The following FALEC variants were observed in gnomAD, a reference collection of about 807,000 sequenced individuals.
The protein encoded by FALEC is focally amplified lncRNA regulator of ECM1, also known as focally amplified lncRNA on chromosome 1.
At chr1:150,519,258 C>T (rs1048275229), downstream of FALEC, among the ~76,000 whole-genome samples, 1 of 152,138 alleles carries the variant, frequency 6.6e-6, no homozygotes, top group Non-Finnish European at 1.5e-5. Context: ...AGAGTTATCA[C>T]TCAATCGCTT....
At chr1:150,522,325 G>C (rs1278605173), downstream of FALEC, among the ~76,000 whole-genome samples, 1 of 151,352 alleles carries the variant, frequency 6.6e-6, no homozygotes, top group African/African-American at 2.4e-5. Context: ...TTCCAGCTTA[G>C]AAGTTGGTAG....
At position 150,517,289 on chromosome 1, in the gene FALEC, T is replaced by C. The variant is rs1209328387; in HGVS notation, n.307-484T>C. Among the ~76,000 whole-genome samples the C allele has an allele frequency of 7.3e-4, 69 of 94,292 alleles. No individual in the cohort carries two copies. The East Asian group carries it at 0.011, about 15-fold the overall frequency. 61.9% of individuals were successfully genotyped at this position (94,292 alleles called of 152,430 possible). On this transcript the variant is annotated intron_variant and non_coding_transcript_variant, in intron 1 of 1. Transcript: ENST00000416894. ...TCCAGCCTGGGTGACAGAGCCAGAC[T>C]CCGTCTCAAAAAAAAAAAAAAAAAA...
exon 1 of FALEC, chr1:150,515,800 A>C (rs587604425): frequency 6.6e-6 from 1 of 152,396 alleles, no homozygotes; most frequent in Admixed American, 6.5e-5. Flanking sequence ...CGGGGGAGGC[A>C]GGGGGAAAAG....
downstream of FALEC, among the ~76,000 whole-genome samples, chr1:150,522,258 AAAG>A (rs996441119): frequency 1.5e-4 from 23 of 150,430 alleles, no homozygotes; most frequent in African/African-American, 5.6e-4. Flanking sequence ...AAAAAAAAAA[AAAG>A]AAAGAAAGAA....
chr1:150,516,013 G>A (rs1305286282), exon 1 of FALEC: 1 of 152,278 alleles, frequency 6.6e-6, no homozygotes, highest in Non-Finnish European at 1.5e-5. Context: ...TTGGGAGGCC[G>A]AGGCGGTGGA....
chr1:150,529,513 A>T, the FALEC span, among the ~76,000 whole-genome samples: 1 of 152,216 alleles, frequency 6.6e-6, no homozygotes, highest in Non-Finnish European at 1.5e-5. Context: ...GACTGGAGCC[A>T]AAAAGGCTGA....
chr1:150,518,769 A>G (rs587697266), downstream of FALEC, among the ~76,000 whole-genome samples: 1 of 151,822 alleles, frequency 6.6e-6, no homozygotes, highest in Admixed American at 6.6e-5. Context: ...ACCTTTGAAA[A>G]TCCCTGGCCG....
At chr1:150,523,379 C>T in the FALEC span, among the ~76,000 whole-genome samples, 3 of 151,266 alleles carry the variant, frequency 2.0e-5, no homozygotes, top group Non-Finnish European at 4.4e-5. Flanking sequence ...GGCGACCAGG[C>T]GCGGTGGCTC....
At chr1:150,524,436 C>T in the FALEC span, among the ~76,000 whole-genome samples, 1 of 152,132 alleles carries the variant, frequency 6.6e-6, no homozygotes, top group African/African-American at 2.4e-5. Context: ...CAAAAAAAGT[C>T]ACATCATCTT....
the FALEC span, among the ~76,000 whole-genome samples, chr1:150,529,223 G>C: frequency 6.6e-6 from 1 of 152,166 alleles, no homozygotes; most frequent in Non-Finnish European, 1.5e-5. Context: ...TACAGTAAGA[G>C]CTGCCAAGTA....
At chr1:150,525,292 C>CA in the FALEC span, among the ~76,000 whole-genome samples, 1 of 151,796 alleles carries the variant, frequency 6.6e-6, no homozygotes, top group Non-Finnish European at 1.5e-5. Context: ...GTCTCAAAAA[C>CA]AAAAAACAAA....
chr1:150,521,650 C>T (rs897889274), downstream of FALEC, among the ~76,000 whole-genome samples: 1 of 152,064 alleles, frequency 6.6e-6, no homozygotes, highest in Non-Finnish European at 1.5e-5. Flanking sequence ...CATATTATTC[C>T]GTTTGGAGAT....
the FALEC span, among the ~76,000 whole-genome samples, chr1:150,526,523 C>A: frequency 1.2e-5 from 1 of 80,242 alleles, no homozygotes; most frequent in Non-Finnish European, 2.8e-5. Flanking sequence ...ATCTATTGAA[C>A]CTAATGTTGT....
the FALEC span, among the ~76,000 whole-genome samples, chr1:150,530,404 C>G: frequency 6.6e-6 from 1 of 152,162 alleles, no homozygotes; most frequent in Non-Finnish European, 1.5e-5. Context: ...TCATTCTCTC[C>G]CCTCTGATAC....
chr1:150,523,362 C>T, the FALEC span, among the ~76,000 whole-genome samples: 1 of 151,128 alleles, frequency 6.6e-6, no homozygotes, highest in Non-Finnish European at 1.5e-5. Flanking sequence ...TTTTAAATTA[C>T]ATATGTGGCG....
downstream of FALEC, among the ~76,000 whole-genome samples, chr1:150,522,973 A>ATTT (rs1560270867): frequency 4.1e-3 from 125 of 30,672 alleles, 13 homozygotes; most frequent in Non-Finnish European, 6.3e-3. Flanking sequence ...ATATATATAT[A>ATTT]TATATATATA....
the FALEC span, among the ~76,000 whole-genome samples, chr1:150,530,018 C>A: frequency 2.0e-5 from 3 of 152,128 alleles, no homozygotes; most frequent in African/African-American, 4.8e-5. Context: ...GAGCCCCTAA[C>A]TTGGGTCAGC....
intron 1 of FALEC, among the ~76,000 whole-genome samples, chr1:150,517,296 CAAAAAAAAAA>C (rs34702640): frequency 4.3e-5 from 4 of 93,218 alleles, no homozygotes; most frequent in Non-Finnish European, 6.2e-5. Flanking sequence ...GACTCCGTCT[CAAAAAAAAAA>C]AAAAAAAAAA....
chr1:150,535,719 G>A, the FALEC span, among the ~76,000 whole-genome samples: 1 of 152,218 alleles, frequency 6.6e-6, no homozygotes, highest in African/African-American at 2.4e-5. Flanking sequence ...CAGTTGGCCA[G>A]GGAGCCGAGG....
Sources: allele counts gnomAD v4.1 joint callset (sites outside exome capture counted in the v4.1 genomes callset), GRCh38; gene constraint gnomAD v4.1.1; transcripts MANE v1.5; gene names NCBI Gene and HGNC (gene_info 2026-07-23, HGNC 2026-07-21).